CASTOR2: variants seen among roughly 807,000 people sequenced by gnomAD.
CASTOR2 encodes the protein cytosolic arginine sensor for mTORC1 subunit 2, also known as GATS protein like 2.
In CASTOR2, 8 loss-of-function variants were observed where a neutral mutation model predicts 31.2. The observed-to-expected ratio is 0.26, with a 90% CI of 0.15 to 0.46. CASTOR2 has a LOEUF of 0.46. Among genes scored for constraint, CASTOR2 ranks in the 20% least tolerant of loss-of-function variants. The probability of loss-of-function intolerance (pLI) is 0.99; values close to 1 mark genes in which losing one functional copy is unlikely to be tolerated. For synonymous variants in CASTOR2, 162 were observed against 158.7 expected (o/e 1.02, Z -0.16); for missense variants, 216 against 382.1 (o/e 0.57, Z 3.62).
chr7:75,014,419 CAAAAAA>C (rs1193842037), intron 2 of CASTOR2, among the ~76,000 whole-genome samples: 1 of 57,560 alleles, frequency 1.7e-5, no homozygotes, highest in Middle Eastern at 9.8e-3. Context: ...ACTAAAAATA[CAAAAAA>C]AAAAAAAAAA....
chr7:74,974,438 AGG>A (rs1269038190), intron 1 of CASTOR2, among the ~76,000 whole-genome samples: 1 of 150,864 alleles, frequency 6.6e-6, no homozygotes, highest in Non-Finnish European at 1.5e-5. Context: ...AGGCCCACAC[AGG>A]GGGCATGGCT....
At chr7:74,989,167 T>C (rs1584463725) in intron 1 of CASTOR2, among the ~76,000 whole-genome samples, 2 of 151,840 alleles carry the variant, frequency 1.3e-5, no homozygotes, top group African/African-American at 4.8e-5. Flanking sequence ...GGTTTCACCG[T>C]GTTAGCCAGG....
intron 1 of CASTOR2, among the ~76,000 whole-genome samples, chr7:74,997,412 C>T (rs1391512140): frequency 3.3e-5 from 5 of 150,624 alleles, no homozygotes; most frequent in African/African-American, 9.8e-5. Context: ...ACCACAGGAT[C>T]GGACTGCCAA....
chr7:75,026,189 G>GGTTTTTTTTTTTTTTTTTT lies in CASTOR2; in HGVS notation c.*1490_*1491insGTTTTTTTTTTTTTTTTTT, dbSNP rs1554440884. Reference sequence around the variant, plus strand: ...CCCTGTGGTTTTGGCTCTGGCGGGGGTTTTTTTTTTTTTTTTTGAGATGGG... The same window carrying GGTTTTTTTTTTTTTTTTTT: ...CCCTGTGGTTTTGGCTCTGGCGGGGGGTTTTTTTTTTTTTTTTTTTTTTTTTTTTTTTTTTTGAGATGGG... On this transcript the variant is annotated 3_prime_UTR_variant, in exon 9 of 9. Transcript: ENST00000616305. 3.7e-4 allele frequency among the ~76,000 whole-genome samples: 44 copies of GGTTTTTTTTTTTTTTTTTT among 117,704 alleles called. No homozygotes were observed. The highest frequency in any genetic ancestry group is 7.4e-4 in the Admixed American group (8 of 10,768). 77.2% of individuals were successfully genotyped at this position (117,704 alleles called of 152,430 possible).
At chr7:75,009,470 G>A (rs1347289853) in intron 2 of CASTOR2, among the ~76,000 whole-genome samples, 23 of 147,306 alleles carry the variant, frequency 1.6e-4, no homozygotes, top group East Asian at 2.1e-4. Flanking sequence ...GGGTTTCACC[G>A]TGTTAACCAG....
At position 75,029,509 on chromosome 7, in the gene CASTOR2, A is replaced by C. The variant is rs961233978; in HGVS notation, c.*4810A>C. Reference sequence around the variant, plus strand: ...CAGGCACCCACCACCACGCTCGGCTAATTTTTGTATTTTTAGTAGAGACAG... The same window carrying C: ...CAGGCACCCACCACCACGCTCGGCTCATTTTTGTATTTTTAGTAGAGACAG... On this transcript the variant is annotated 3_prime_UTR_variant, in exon 9 of 9. Transcript: ENST00000616305. Among the ~76,000 whole-genome samples, 79 of 151,830 alleles carry C rather than the reference A, an allele frequency of 5.2e-4. 1 individual carries two copies. The highest frequency in any genetic ancestry group is 2.2e-3 in the Admixed American group (34 of 15,232).
intron 1 of CASTOR2, among the ~76,000 whole-genome samples, chr7:75,000,952 C>T (rs1299743794): frequency 5.9e-4 from 90 of 152,140 alleles, no homozygotes; most frequent in Admixed American, 7.9e-4. Flanking sequence ...CATGATCCAC[C>T]GCACCCGGCA....
intron 1 of CASTOR2, among the ~76,000 whole-genome samples, chr7:74,991,468 C>G (rs1192877654): frequency 6.6e-6 from 1 of 152,080 alleles, no homozygotes; most frequent in African/African-American, 2.4e-5. Context: ...CCCTGGCACC[C>G]AAGACAGGTG....
intron 1 of CASTOR2, among the ~76,000 whole-genome samples, chr7:75,006,928 C>G (rs1354367134): frequency 6.7e-6 from 1 of 148,794 alleles, no homozygotes; most frequent in Non-Finnish European, 1.5e-5. Context: ...ATTACCCAGT[C>G]TCGGGTATGT....
intron 7 of CASTOR2, among the ~76,000 whole-genome samples, chr7:75,023,907 A>G (rs1390986322): frequency 6.6e-6 from 1 of 152,230 alleles, no homozygotes; most frequent in Non-Finnish European, 1.5e-5. Context: ...GGATTTGGGC[A>G]GGAACACAAA....
intron 1 of CASTOR2, among the ~76,000 whole-genome samples, chr7:75,005,871 T>C (rs1272346821): frequency 6.6e-6 from 1 of 152,220 alleles, no homozygotes; most frequent in Non-Finnish European, 1.5e-5. Context: ...GGCTCATGCC[T>C]ATAATCCCAG....
At chr7:75,012,936 C>G (rs1392783668) in intron 2 of CASTOR2, among the ~76,000 whole-genome samples, 3 of 151,696 alleles carry the variant, frequency 2.0e-5, no homozygotes, top group East Asian at 1.9e-4. Context: ...CGTGAACCAC[C>G]GTGCACAGCC....
intron 1 of CASTOR2, among the ~76,000 whole-genome samples, chr7:75,005,211 C>G (rs1325038286): frequency 6.6e-6 from 1 of 152,126 alleles, no homozygotes; most frequent in Non-Finnish European, 1.5e-5. Context: ...CTGCCACACT[C>G]AAGAGGCCCA....
intron 1 of CASTOR2, among the ~76,000 whole-genome samples, chr7:75,005,540 A>G (rs1245722012): frequency 3.3e-5 from 5 of 152,190 alleles, no homozygotes; most frequent in African/African-American, 1.2e-4. Context: ...GGAAACAAAA[A>G]TTGTGTCCAT....
In CASTOR2 at chr7:75,028,018, TC is replaced by T; in HGVS notation, c.*3324del. 1 of 1,534,410 alleles carries T rather than the reference TC, an allele frequency of 6.5e-7. No individual in the cohort carries two copies. Among genetic ancestry groups the T allele is most frequent in the Non-Finnish European group, 8.7e-7 (1 of 1,146,548 alleles). On this transcript the variant is annotated 3_prime_UTR_variant, in exon 9 of 9. Transcript: ENST00000616305. Reference sequence around the variant, plus strand: ...GAACTCCTTACCTGTTTGCCGTCCATCCCCCGGAGGTAATCAGAGGAGTGGG... The same window carrying T: ...GAACTCCTTACCTGTTTGCCGTCCATCCCCGGAGGTAATCAGAGGAGTGGG...
At chr7:75,008,285 CT>C (rs1314474106) in intron 2 of CASTOR2, among the ~76,000 whole-genome samples, 3 of 152,110 alleles carry the variant, frequency 2.0e-5, no homozygotes, top group Non-Finnish European at 4.4e-5. Flanking sequence ...GGAGGGTCCC[CT>C]CCCCTCCTGC....
intron 2 of CASTOR2, among the ~76,000 whole-genome samples, chr7:75,012,995 C>T (rs1386164824): frequency 1.3e-5 from 2 of 152,188 alleles, no homozygotes; most frequent in African/African-American, 2.4e-5. Flanking sequence ...ACTATGTTGC[C>T]TATGCTGGTC....
chr7:74,988,336 C>G (rs1372727284), intron 1 of CASTOR2, among the ~76,000 whole-genome samples: 1 of 152,096 alleles, frequency 6.6e-6, no homozygotes, highest in East Asian at 1.9e-4. Flanking sequence ...CTCACTCTGT[C>G]GCCCAGGCTG....
At chr7:75,008,161 TTTCTGCCCCCACCTACCTCCTTAC>T (rs1193272768) in intron 2 of CASTOR2, 97 bp downstream of exon 2, 16 of 1,412,022 alleles carry the variant, frequency 1.1e-5, no homozygotes, top group African/African-American at 1.0e-4. Context: ...CACCTCCTTA[TTTCTGCCCCCACCTACCTCCTTAC>T]TTCTGCCCTC....
Sources: allele counts gnomAD v4.1 joint callset (sites outside exome capture counted in the v4.1 genomes callset), GRCh38; gene constraint gnomAD v4.1.1; transcripts MANE v1.5; gene names NCBI Gene and HGNC (gene_info 2026-07-23, HGNC 2026-07-21).